Variants in CADM2 observed in about 807,000 individuals in gnomAD.
The protein encoded by CADM2 is cell adhesion molecule 2.
A neutral mutation model predicts 49.8 loss-of-function variants in CADM2; 12 were observed. That is an observed-to-expected ratio of 0.24 (90% CI 0.15 to 0.39). CADM2 has a LOEUF of 0.39. Ranked by LOEUF, CADM2 falls within the 10% of genes least tolerant of loss-of-function variation. The probability of loss-of-function intolerance (pLI) is 1.00; values close to 1 mark genes in which losing one functional copy is unlikely to be tolerated. For synonymous variants in CADM2, 214 were observed against 175.4 expected, an observed-to-expected ratio of 1.22 and a Z score of -1.74; for missense variants, 378 against 492.3, an observed-to-expected ratio of 0.77 and a Z score of 2.20.
intron 8 of CADM2, among the ~76,000 whole-genome samples, chr3:85,996,611 A>G (rs1465362182): frequency 1.3e-5 from 2 of 152,170 alleles, no homozygotes; most frequent in African/African-American, 4.8e-5. Flanking sequence ...CAGAGGTGTT[A>G]CTAATATTAT....
chr3:85,688,988 G>A (rs1284897441), intron 1 of CADM2, among the ~76,000 whole-genome samples: 1 of 152,142 alleles, frequency 6.6e-6, no homozygotes, highest in African/African-American at 2.4e-5. Flanking sequence ...TGATGTGAAT[G>A]TTCATAGCAC....
chr3:85,885,695 A>G (rs1381660754), intron 4 of CADM2, among the ~76,000 whole-genome samples: 1 of 149,216 alleles, frequency 6.7e-6, no homozygotes, highest in African/African-American at 2.5e-5. Flanking sequence ...AAAAAAAAAA[A>G]AAAAAAATTA....
At chr3:85,093,278 T>G (rs1318419409) in intron 1 of CADM2, among the ~76,000 whole-genome samples, 1 of 152,044 alleles carries the variant, frequency 6.6e-6, no homozygotes, top group Non-Finnish European at 1.5e-5. Flanking sequence ...CCCAGCACTT[T>G]GGGAGGCCGA....
At chr3:85,602,144 G>T (rs958842021) in intron 1 of CADM2, among the ~76,000 whole-genome samples, 2 of 151,844 alleles carry the variant, frequency 1.3e-5, no homozygotes, top group South Asian at 4.1e-4. Context: ...TGCTACAAAG[G>T]TAAATTTGTT....
rs904089077 is a variant in CADM2, at chr3:86,066,883, A to G, written c.*100A>G. 7 of 779,526 alleles carry G rather than the reference A, an allele frequency of 9.0e-6. No homozygotes were observed. Among genetic ancestry groups the G allele is most frequent in the South Asian group, 3.0e-5 (2 of 66,924 alleles). 48.3% of individuals were successfully genotyped at this position (779,526 alleles called of 1,614,324 possible). On this transcript the variant is annotated 3_prime_UTR_variant, in exon 10 of 10. Transcript: ENST00000383699. ...ATTTCTACCATCGTCTGCTACCCTT[A>G]TTAACTCCCATACTGTACTGCTATC...
chr3:85,051,790 G>C (rs991699903), intron 1 of CADM2, among the ~76,000 whole-genome samples: 53 of 152,044 alleles, frequency 3.5e-4, no homozygotes, highest in African/African-American at 1.2e-3. Context: ...GTTTTAATTT[G>C]ATATCATTAT....
intron 1 of CADM2, among the ~76,000 whole-genome samples, chr3:85,005,901 A>G (rs1347181789): frequency 2.0e-5 from 3 of 152,152 alleles, no homozygotes; most frequent in Non-Finnish European, 4.4e-5. Flanking sequence ...TGATTTTTCC[A>G]TTAAACATCT....
In CADM2 at chr3:85,127,871, T is replaced by C. The variant is rs1456681894; in HGVS notation, c.61+168203T>C. Among the ~76,000 whole-genome samples the C allele has an allele frequency of 1.8e-4, 28 of 152,170 alleles. 1 individual carries two copies. The highest frequency in any genetic ancestry group is 1.8e-3 in the Admixed American group (27 of 15,270). On this transcript the variant is annotated intron_variant, in intron 1 of 9. Transcript: ENST00000383699. ...GATTTTTTAGACAATTTCCAATAAA[T>C]GTGATCAAATACAATCTACGTTTGC... is the stretch of plus-strand genomic sequence containing the variant.
At chr3:85,938,313 C>T (rs9854690) in intron 7 of CADM2, among the ~76,000 whole-genome samples, 76 of 151,922 alleles carry the variant, frequency 5.0e-4, no homozygotes, top group African/African-American at 1.6e-3. Context: ...TCTTACTGAT[C>T]GTAAAGAAAA....
chr3:85,863,328 C>T (rs1379357396), intron 3 of CADM2, among the ~76,000 whole-genome samples: 2 of 152,078 alleles, frequency 1.3e-5, no homozygotes, highest in Non-Finnish European at 2.9e-5. Flanking sequence ...AATGTCATTG[C>T]ATTGGGAGAT....
chr3:85,445,085 C>A (rs559095234), intron 1 of CADM2, among the ~76,000 whole-genome samples: 51 of 152,228 alleles, frequency 3.4e-4, no homozygotes, highest in African/African-American at 1.2e-3. Flanking sequence ...ATAGTCCCAG[C>A]AACAACCCTG....
At chr3:85,436,693 T>A (rs555461524) in intron 1 of CADM2, among the ~76,000 whole-genome samples, 2 of 152,312 alleles carry the variant, frequency 1.3e-5, no homozygotes, top group South Asian at 2.1e-4. Context: ...TAAAGTAAAC[T>A]TTTTTATTTT....
intron 1 of CADM2, among the ~76,000 whole-genome samples, chr3:85,210,188 G>A (rs2041744337): frequency 6.6e-6 from 1 of 152,112 alleles, no homozygotes; most frequent in South Asian, 2.1e-4. Flanking sequence ...TTATCATGAA[G>A]GAATGTTGAG....
At chr3:85,716,593 A>C (rs1281596711) in intron 1 of CADM2, among the ~76,000 whole-genome samples, 1 of 151,940 alleles carries the variant, frequency 6.6e-6, no homozygotes, top group Non-Finnish European at 1.5e-5. Context: ...CCTGAATGTT[A>C]TTGCCTAGGT....
chr3:85,288,192 C>G (rs1288127536), intron 1 of CADM2, among the ~76,000 whole-genome samples: 1 of 152,056 alleles, frequency 6.6e-6, no homozygotes, highest in Non-Finnish European at 1.5e-5. Flanking sequence ...TTCCTTCCCT[C>G]TAAAATGCGT....
chr3:85,292,118 A>C (rs1017236221), intron 1 of CADM2, among the ~76,000 whole-genome samples: 4 of 148,706 alleles, frequency 2.7e-5, no homozygotes, highest in African/African-American at 1.0e-4. Context: ...TGGAAAACAA[A>C]AAAAGGCAGG....
intron 1 of CADM2, among the ~76,000 whole-genome samples, chr3:85,670,954 AGCCT>A (rs1471917499): frequency 2.0e-5 from 3 of 152,142 alleles, no homozygotes; most frequent in Non-Finnish European, 4.4e-5. Context: ...TCTTTCTCCC[AGCCT>A]GCCAAAGAAA....
At chr3:85,513,927 G>T (rs958419688) in intron 1 of CADM2, among the ~76,000 whole-genome samples, 6 of 151,956 alleles carry the variant, frequency 3.9e-5, no homozygotes, top group Non-Finnish European at 7.4e-5. Context: ...CCAGAAGAAT[G>T]TTATTGTTAT....
Position 85,306,387 on chromosome 3 carries a change from A to G in CADM2, c.61+346719A>G, listed in dbSNP as rs530139218. Among the ~76,000 whole-genome samples the G allele has an allele frequency of 9.9e-5, 15 of 151,850 alleles. No individual in the cohort carries two copies. The South Asian group carries it at 3.1e-3, about 31-fold the overall frequency. On this transcript the variant is annotated intron_variant, in intron 1 of 9. Coordinates refer to ENST00000383699, the MANE Select transcript of CADM2 (RefSeq NM_001167675.2). ...AATTATTGACTTCATCAATCTAATG[A>G]AGGAAATTGTATTCTATATAGATCT... is the stretch of plus-strand genomic sequence containing the variant.
Sources: allele counts gnomAD v4.1 joint callset (sites outside exome capture counted in the v4.1 genomes callset), GRCh38; gene constraint gnomAD v4.1.1; transcripts MANE v1.5; gene names NCBI Gene and HGNC (gene_info 2026-07-23, HGNC 2026-07-21).